Variants in CDH12 observed in about 807,000 individuals in gnomAD.
The protein encoded by CDH12 is cadherin 12.
CDH12 carries 41 observed loss-of-function variants against 74.1 expected under a neutral mutation model. The observed-to-expected ratio is 0.55, with a 90% confidence interval of 0.43 to 0.72. CDH12 has a LOEUF of 0.72. Ranked by LOEUF, CDH12 falls within the 30% of genes least tolerant of loss-of-function variation. The pLI, the probability that CDH12 is intolerant of heterozygous loss-of-function variation, is 0.00. For synonymous variants in CDH12, 399 were observed against 355.0 expected (o/e 1.12, Z -1.39); for missense variants, 945 against 977.2 (o/e 0.97, Z 0.44).
intron 1 of CDH12, among the ~76,000 whole-genome samples, chr5:22,554,158 G>A (rs187072823): frequency 1.2e-4 from 18 of 152,234 alleles, no homozygotes; most frequent in Admixed American, 4.6e-4. Context: ...ATTAGGGAGA[G>A]GGTGGAATGA....
At chr5:22,218,371 C>T (rs1256188583) in intron 3 of CDH12, among the ~76,000 whole-genome samples, 1 of 151,618 alleles carries the variant, frequency 6.6e-6, no homozygotes, top group Non-Finnish European at 1.5e-5. Context: ...AACTGTGGTA[C>T]ACTCATAGAA....
chr5:21,983,772 T>C (rs1757407097), intron 5 of CDH12, among the ~76,000 whole-genome samples: 1 of 152,168 alleles, frequency 6.6e-6, no homozygotes, highest in Admixed American at 6.6e-5. Flanking sequence ...TTTTGGACTA[T>C]TGTGTGAAAG....
At chr5:22,476,522 A>C (rs1746178826) in intron 2 of CDH12, among the ~76,000 whole-genome samples, 1 of 152,116 alleles carries the variant, frequency 6.6e-6, no homozygotes, top group Non-Finnish European at 1.5e-5. Context: ...GAACACCATT[A>C]ATGAAATTTC....
chr5:22,007,238 G>A (rs2150149275), intron 5 of CDH12, among the ~76,000 whole-genome samples: 1 of 152,228 alleles, frequency 6.6e-6, no homozygotes, highest in East Asian at 1.9e-4. Context: ...ATGATAACAA[G>A]CTCAAGAGAT....
At chr5:22,214,142 T>C (rs1036197395) in intron 3 of CDH12, among the ~76,000 whole-genome samples, 8 of 152,014 alleles carry the variant, frequency 5.3e-5, no homozygotes, top group Non-Finnish European at 1.2e-4. Context: ...TGGTGAAACT[T>C]TTTGGACAAA....
intron 1 of CDH12, among the ~76,000 whole-genome samples, chr5:22,662,299 C>T (rs1740387232): frequency 6.6e-6 from 1 of 152,044 alleles, no homozygotes; most frequent in Non-Finnish European, 1.5e-5. Flanking sequence ...GAAGTTATGG[C>T]ATATATATAA....
At chr5:22,397,232 C>A (rs1380206364) in intron 3 of CDH12, among the ~76,000 whole-genome samples, 1 of 152,040 alleles carries the variant, frequency 6.6e-6, no homozygotes, top group African/African-American at 2.4e-5. Context: ...TCTCCTTTCA[C>A]CCTTTCCCAA....
At chr5:22,436,435 A>G (rs1744397050) in intron 2 of CDH12, among the ~76,000 whole-genome samples, 1 of 151,246 alleles carries the variant, frequency 6.6e-6, no homozygotes, top group Non-Finnish European at 1.5e-5. Context: ...AAGTTAAAGT[A>G]TAATAAAAAA....
chr5:22,814,134 A>G (rs1302561857), intron 1 of CDH12, among the ~76,000 whole-genome samples: 1 of 152,186 alleles, frequency 6.6e-6, no homozygotes, highest in Non-Finnish European at 1.5e-5. Flanking sequence ...AAAATAAAGT[A>G]TATCTGGAAA....
chr5:22,366,237 G>A lies in CDH12; in HGVS notation c.-333+39020C>T, dbSNP rs1163986823. Among the ~76,000 whole-genome samples the A allele has an allele frequency of 2.6e-5, 4 of 151,962 alleles. No individual in the cohort carries two copies. In the East Asian group the frequency reaches 5.8e-4, roughly 22 times the overall value. ...TTCCCAAAGTGCTGGGATTAAAAGC[G>A]TGAACCATCACACCCACCCTCAGTC... On this transcript the variant is annotated intron_variant, in intron 3 of 14. Coordinates refer to ENST00000382254, the MANE Select transcript of CDH12 (RefSeq NM_004061.5).
chr5:22,824,255 C>T (rs1311841869), intron 1 of CDH12, among the ~76,000 whole-genome samples: 1 of 152,080 alleles, frequency 6.6e-6, no homozygotes, highest in African/African-American at 2.4e-5. Context: ...CACACAGAAA[C>T]TGAGTGTGTA....
chr5:22,074,474 A>T (rs970112635), intron 5 of CDH12, among the ~76,000 whole-genome samples: 13 of 152,214 alleles, frequency 8.5e-5, no homozygotes, highest in Non-Finnish European at 1.6e-4. Flanking sequence ...GGATCTAGTT[A>T]AACTAAAGAG....
intron 5 of CDH12, among the ~76,000 whole-genome samples, chr5:22,033,347 C>T (rs1258932706): frequency 6.6e-6 from 1 of 152,138 alleles, no homozygotes; most frequent in Admixed American, 6.5e-5. Context: ...TTTTTCACAG[C>T]AATTACCTAG....
intron 1 of CDH12, among the ~76,000 whole-genome samples, chr5:22,557,744 A>G (rs1247674121): frequency 6.6e-6 from 1 of 152,086 alleles, no homozygotes; most frequent in Non-Finnish European, 1.5e-5. Context: ...AAAGAAAAAA[A>G]TCAATAGAAT....
rs1737684848 is a variant in CDH12 at position 22,017,657 on chromosome 5, C to T, written c.232-42272G>A. On this transcript the variant is annotated intron_variant, in intron 5 of 14. Coordinates refer to ENST00000382254, the MANE Select transcript of CDH12 (RefSeq NM_004061.5). ...AAATGTGGGAGCCAAGAATGGCATG[C>T]AGCTAGAGAAAGGGAAAGGGTTAGA... 1.3e-5 allele frequency among the ~76,000 whole-genome samples: 2 copies of T among 151,918 alleles called. 1 individual carries two copies. The highest frequency in any genetic ancestry group is 4.1e-4 in the South Asian group (2 of 4,820).
chr5:22,498,822 A>T (rs1747211248), intron 2 of CDH12, among the ~76,000 whole-genome samples: 1 of 150,750 alleles, frequency 6.6e-6, no homozygotes, highest in African/African-American at 2.4e-5. Context: ...TTTAATAATT[A>T]TTACTAAAAA....
At chr5:21,983,467 T>A (rs1757394620) in intron 5 of CDH12, among the ~76,000 whole-genome samples, 1 of 152,140 alleles carries the variant, frequency 6.6e-6, no homozygotes, top group Admixed American at 6.6e-5. Flanking sequence ...TCTAATTATT[T>A]AGAACACTGT....
intron 6 of CDH12, among the ~76,000 whole-genome samples, chr5:21,865,726 A>G (rs1377781835): frequency 6.6e-6 from 1 of 152,158 alleles, no homozygotes; most frequent in African/African-American, 2.4e-5. Flanking sequence ...CTGTAAGATC[A>G]TGGTAGCTTT....
chr5:22,820,324 A>G (rs965570188), intron 1 of CDH12, among the ~76,000 whole-genome samples: 3 of 152,064 alleles, frequency 2.0e-5, no homozygotes, highest in African/African-American at 7.2e-5. Flanking sequence ...TCTCATCGTG[A>G]GTTCTCATGT....
Sources: allele counts gnomAD v4.1 joint callset (sites outside exome capture counted in the v4.1 genomes callset), GRCh38; gene constraint gnomAD v4.1.1; transcripts MANE v1.5; gene names NCBI Gene and HGNC (gene_info 2026-07-23, HGNC 2026-07-21).